The following ZNF329 variants were observed in gnomAD, a reference collection of about 807,000 sequenced individuals.
ZNF329 encodes the protein zinc finger protein 329.
In ZNF329, 15 loss-of-function variants were observed where a neutral mutation model predicts 26.6. The ratio of observed to expected loss-of-function variants is 0.56; its 90% CI spans 0.38 to 0.87. ZNF329 has a LOEUF of 0.87. Among genes scored for constraint, ZNF329 ranks in the 40% least tolerant of loss-of-function variants. ZNF329 has a pLI of 0.00. For missense variants in ZNF329, 651 were observed against 651.9 expected (o/e 1.00, Z 0.02); for synonymous variants, 239 against 233.5 (o/e 1.02, Z -0.21).
intron 1 of ZNF329, among the ~76,000 whole-genome samples, chr19:58,146,364 C>A (rs1220703083): frequency 6.6e-6 from 1 of 152,026 alleles, no homozygotes; most frequent in Non-Finnish European, 1.5e-5. Context: ...ATTCCAGCTA[C>A]TTGGGAGGCT....
At chr19:58,148,254 C>T (rs1331907553) in intron 1 of ZNF329, among the ~76,000 whole-genome samples, 1 of 142,444 alleles carries the variant, frequency 7.0e-6, no homozygotes, top group Non-Finnish European at 1.5e-5. Flanking sequence ...ACAAACACTG[C>T]GCGGAAGGCC....
chr19:58,128,998 T>C lies in ZNF329; in HGVS notation c.506A>G (p.Lys169Arg). 6.2e-7 allele frequency: 1 copy of C among 1,612,888 alleles called. No individual in the cohort carries two copies. Among genetic ancestry groups the C allele is most frequent in the Non-Finnish European group, 8.5e-7 (1 of 1,179,234 alleles). ...FTSLGHQKIM[K>R]RGKKSYEGKN... Reference sequence around the variant, plus strand: ...ACCTTCATACGATTTCTTGCCTCTTTTCATTATTTTCTGATGACCAAGAGA... The same window carrying C: ...ACCTTCATACGATTTCTTGCCTCTTCTCATTATTTTCTGATGACCAAGAGA... Residue 169 changes from lysine (K) to arginine (R), a missense_variant, in exon 4 of 4, where the codon AAA becomes AGA. Lys to Arg is a conservative substitution (Grantham distance 26, BLOSUM62 2). Transcript: ENST00000598312.
At chr19:58,134,834 G>A (rs1203885771) in intron 3 of ZNF329, among the ~76,000 whole-genome samples, 1 of 152,128 alleles carries the variant, frequency 6.6e-6, no homozygotes, top group African/African-American at 2.4e-5. Flanking sequence ...ACTCCAGGAG[G>A]CTGAAGCAGA....
chr19:58,147,975 T>C (rs1208214111), intron 1 of ZNF329, among the ~76,000 whole-genome samples: 4 of 152,022 alleles, frequency 2.6e-5, no homozygotes, highest in South Asian at 2.1e-4. Context: ...GGGGAAAAGA[T>C]TGAGAAATCG....
intron 3 of ZNF329, 64 bp from the exon 4 acceptor site, chr19:58,129,575 A>C: frequency 7.4e-7 from 1 of 1,344,006 alleles, no homozygotes; most frequent in Non-Finnish European, 1.0e-6. Flanking sequence ...GAAACAGACA[A>C]TGATGATGGG....
At position 58,127,781 on chromosome 19, in the gene ZNF329, G is replaced by C; in HGVS notation, c.*97C>G. 8.3e-7 allele frequency: 1 copy of C among 1,199,010 alleles called. No individual in the cohort carries two copies. The highest frequency in any genetic ancestry group is 1.2e-6 in the Non-Finnish European group (1 of 850,094). The allele number at this position is 1,199,010 out of a possible 1,614,324, so 74.3% of individuals were successfully genotyped here. ...CATCAATTCACTGGATAGCTTAAAG[G>C]ATTCTTTTCTACTGACCAGAGAGGA... On this transcript the variant is annotated 3_prime_UTR_variant, in exon 4 of 4. Coordinates refer to ENST00000598312, the MANE Select transcript of ZNF329 (RefSeq NM_024620.4).
At chr19:58,141,005 A>G (rs541826958) in intron 3 of ZNF329, among the ~76,000 whole-genome samples, 44 of 150,372 alleles carry the variant, frequency 2.9e-4, no homozygotes, top group Admixed American at 2.0e-3. Context: ...TAAGTGGCAC[A>G]TGCCCCCATG....
intron 3 of ZNF329, among the ~76,000 whole-genome samples, chr19:58,138,691 C>T (rs157360): frequency 0.73 from 111,278 of 152,106 alleles, 42,276 homozygotes; most frequent in Non-Finnish European, 0.85. Flanking sequence ...AAGATGCACA[C>T]GTACAGTTAA....
chr19:58,148,695 A>G (rs747037776), intron 1 of ZNF329, among the ~76,000 whole-genome samples: 10 of 152,218 alleles, frequency 6.6e-5, no homozygotes, highest in Non-Finnish European at 1.2e-4. Context: ...TCTATAAAAA[A>G]TACAAAATTA....
rs189781520 is a variant in ZNF329 at position 58,130,898 on chromosome 19, G to A, written c.-8-1387C>T. Among the ~76,000 whole-genome samples the A allele has an allele frequency of 3.3e-3, 498 of 152,190 alleles. 2 individuals are homozygous for A. Among genetic ancestry groups the A allele is most frequent in the African/African-American group, 0.011 (472 of 41,530 alleles). On this transcript the variant is annotated intron_variant, in intron 3 of 3. Transcript: ENST00000598312. ...GCTCTGTCATTCAGGCTGAAGTGCAGTGGTGTGATCTTGGTTCACTGAAGC... is the reference window on the plus strand; with the variant it reads ...GCTCTGTCATTCAGGCTGAAGTGCAATGGTGTGATCTTGGTTCACTGAAGC...
upstream of ZNF329, among the ~76,000 whole-genome samples, chr19:58,152,751 G>A (rs1035276507): frequency 1.2e-4 from 19 of 152,146 alleles, no homozygotes; most frequent in South Asian, 6.2e-4. Context: ...TAGCTACTCC[G>A]GAGGCTGAGG....
upstream of ZNF329, among the ~76,000 whole-genome samples, chr19:58,152,743 G>C (rs1232689129): frequency 1.3e-5 from 2 of 152,030 alleles, no homozygotes; most frequent in African/African-American, 4.8e-5. Context: ...TATAATCCTA[G>C]CTACTCCGGA....
At chr19:58,150,524 T>C (rs764927612) in intron 1 of ZNF329, among the ~76,000 whole-genome samples, 2 of 152,220 alleles carry the variant, frequency 1.3e-5, no homozygotes, top group East Asian at 3.8e-4. Context: ...GACCTCGTCC[T>C]CAGAGGAGTG....
chr19:58,128,296 T>C lies in ZNF329; in HGVS notation c.1208A>G (p.Glu403Gly). ...ACTCTCGATGAAAGTCTTGCCACAT[T>C]CTTTACATTCATAGGGTTTCTCCCC... Reference protein sequence around the residue: ...HSGEKPYECKECGKTFIESAY... With the variant: ...HSGEKPYECKGCGKTFIESAY... The change falls in exon 4 of 4, where the codon GAA becomes GGA. Residue 403 changes from glutamate (E) to glycine (G), a missense_variant. Transcript: ENST00000598312. 2.5e-6 allele frequency: 4 copies of C among 1,613,042 alleles called. No homozygotes were observed. The highest frequency in any genetic ancestry group is 2.5e-6 in the Non-Finnish European group (3 of 1,179,426).
intron 3 of ZNF329, among the ~76,000 whole-genome samples, chr19:58,137,965 C>G (rs922101338): frequency 6.6e-6 from 1 of 152,002 alleles, no homozygotes; most frequent in African/African-American, 2.4e-5. Flanking sequence ...GCTGACAGAG[C>G]AAGACCCTGT....
intron 3 of ZNF329, chr19:58,132,517 T>C (rs751025683): frequency 5.9e-5 from 9 of 151,942 alleles, no homozygotes; most frequent in Non-Finnish European, 8.8e-5. Flanking sequence ...ATGTCTCTAC[T>C]AAAAATACAA....
intron 1 of ZNF329, among the ~76,000 whole-genome samples, chr19:58,146,347 A>G (rs281072): frequency 0.59 from 88,992 of 151,824 alleles, 26,086 homozygotes; most frequent in South Asian, 0.64. Context: ...AGTGGCACAC[A>G]CCTGTAATTC....
At chr19:58,140,238 G>T (rs999381131) in intron 3 of ZNF329, among the ~76,000 whole-genome samples, 2 of 152,038 alleles carry the variant, frequency 1.3e-5, no homozygotes, top group Non-Finnish European at 2.9e-5. Context: ...CCCCAGAATT[G>T]TATTGATTCT....
intron 1 of ZNF329, among the ~76,000 whole-genome samples, chr19:58,145,688 C>A (rs1174172251): frequency 1.3e-5 from 2 of 152,084 alleles, no homozygotes; most frequent in Admixed American, 6.6e-5. Context: ...CTTACTATAT[C>A]AAAATGAGTA....
Sources: gnomAD v4.1 joint callset for allele counts (sites outside exome capture counted in the v4.1 genomes callset) on GRCh38, gnomAD v4.1.1 for gene constraint, MANE v1.5 for transcripts, NCBI Gene and HGNC (gene_info 2026-07-23, HGNC 2026-07-21) for gene names.